LIN28B: variants seen among roughly 807,000 people sequenced by gnomAD.
LIN28B encodes lin-28 RNA binding posttranscriptional regulator B.
A neutral mutation model predicts 21.9 loss-of-function variants in LIN28B; 5 were observed. That is an observed-to-expected ratio of 0.23 (90% CI 0.12 to 0.48). LIN28B has a LOEUF of 0.48. Ranked by LOEUF, LIN28B falls within the 20% of genes least tolerant of loss-of-function variation. The pLI is 0.98. For missense variants in LIN28B, 245 were observed against 310.5 expected, an observed-to-expected ratio of 0.79 and a Z score of 1.58; for synonymous variants, 109 against 111.3, an observed-to-expected ratio of 0.98 and a Z score of 0.13.
rs1258252840 is a variant in LIN28B, at chr6:105,078,923, A to T, written c.*140A>T. On this transcript the variant is annotated 3_prime_UTR_variant, in exon 4 of 4. Coordinates refer to ENST00000345080, the MANE Select transcript of LIN28B (RefSeq NM_001004317.4). Reference sequence around the variant, plus strand: ...GGAACTGTGAATTTTTTAAACAGACAAATCACTCTAAGCAAATTACATTTG... The same window carrying T: ...GGAACTGTGAATTTTTTAAACAGACTAATCACTCTAAGCAAATTACATTTG... The T allele has an allele frequency of 6.6e-6, 6 of 906,920 alleles. No individual in the cohort carries two copies. Among genetic ancestry groups the T allele is most frequent in the Non-Finnish European group, 9.9e-6 (6 of 607,484 alleles). The allele number at this position is 906,920 out of a possible 1,614,324, so 56.2% of individuals were successfully genotyped here. A position where few individuals can be genotyped will look rare whatever the true frequency, so the allele number is the denominator to read the frequency against.
At chr6:104,975,204 A>C (rs892602286) in intron 2 of LIN28B, among the ~76,000 whole-genome samples, 1 of 152,130 alleles carries the variant, frequency 6.6e-6, no homozygotes, top group Non-Finnish European at 1.5e-5. Context: ...GTAATATAAA[A>C]ATTGATCATT....
chr6:104,955,048 A>C (rs576788669), upstream of LIN28B, among the ~76,000 whole-genome samples: 42 of 152,324 alleles, frequency 2.8e-4, no homozygotes, highest in South Asian at 1.7e-3. Context: ...ATACTTTCTG[A>C]GATTTTTTTC....
intron 2 of LIN28B, among the ~76,000 whole-genome samples, chr6:104,944,892 C>T (rs182791494): frequency 3.3e-5 from 5 of 152,024 alleles, no homozygotes; most frequent in Admixed American, 1.3e-4. Flanking sequence ...TTTTTCTTAG[C>T]GGAACAAAAG....
At chr6:105,048,656 T>A (rs553321912) in intron 3 of LIN28B, among the ~76,000 whole-genome samples, 15 of 152,326 alleles carry the variant, frequency 9.8e-5, no homozygotes, top group Non-Finnish European at 1.5e-4. Context: ...TGGACTTTTT[T>A]TGGTTGGTGG....
rs2114433976 is a variant in LIN28B, at chr6:105,082,499, TC to T, written c.*3717del. The T allele has an allele frequency of 6.5e-6, 1 of 152,798 alleles. No homozygotes were observed. The highest frequency in any genetic ancestry group is 2.1e-4 in the South Asian group (1 of 4,834). 9.5% of individuals were successfully genotyped at this position (152,798 alleles called of 1,614,324 possible). A position where few individuals can be genotyped will look rare whatever the true frequency, so the allele number is the denominator to read the frequency against. ...ATCTGTTTTCTCTAAGAAATGTTTA[TC>T]ATAAAATATATATGTGTATTTCCCC... On this transcript the variant is annotated 3_prime_UTR_variant, in exon 4 of 4. Coordinates refer to ENST00000345080, the MANE Select transcript of LIN28B (RefSeq NM_001004317.4).
At chr6:105,031,340 T>TGGCGA (rs1771418931) in intron 3 of LIN28B, among the ~76,000 whole-genome samples, 2 of 152,110 alleles carry the variant, frequency 1.3e-5, no homozygotes, top group Admixed American at 1.3e-4. Context: ...TATAAGATAC[T>TGGCGA]TTCATACTGA....
At chr6:105,010,790 T>C (rs768063837) in intron 2 of LIN28B, among the ~76,000 whole-genome samples, 3 of 152,206 alleles carry the variant, frequency 2.0e-5, no homozygotes, top group Admixed American at 1.3e-4. Flanking sequence ...TCTACCCTTT[T>C]GTAACTCAAA....
At chr6:104,944,369 A>C (rs781294203) in intron 2 of LIN28B, among the ~76,000 whole-genome samples, 1 of 152,142 alleles carries the variant, frequency 6.6e-6, no homozygotes, top group Non-Finnish European at 1.5e-5. Flanking sequence ...GTACAGTTTT[A>C]GTTGACACTA....
intron 3 of LIN28B, 124 bp from the exon 4 acceptor site, chr6:105,078,290 C>A: frequency 2.3e-6 from 2 of 878,486 alleles, no homozygotes; most frequent in Non-Finnish European, 1.7e-6. Flanking sequence ...ATGATAAATG[C>A]TTTTAAGAAG....
chr6:105,061,197 A>G (rs1772115694), intron 3 of LIN28B, among the ~76,000 whole-genome samples: 1 of 152,162 alleles, frequency 6.6e-6, no homozygotes, highest in South Asian at 2.1e-4. Flanking sequence ...TTACCCTGCA[A>G]TTTGATTTTT....
chr6:104,980,198 TA>T (rs1770190308), intron 2 of LIN28B, among the ~76,000 whole-genome samples: 1 of 152,222 alleles, frequency 6.6e-6, no homozygotes, highest in Admixed American at 6.5e-5. Flanking sequence ...ATAAAATGCA[TA>T]AAGTAATTAT....
chr6:105,039,354 G>C (rs1771586579), intron 3 of LIN28B, among the ~76,000 whole-genome samples: 1 of 152,132 alleles, frequency 6.6e-6, no homozygotes, highest in Non-Finnish European at 1.5e-5. Context: ...GTCTGTAAAT[G>C]AGAATTTTTA....
chr6:105,053,826 G>A (rs1025542578), intron 3 of LIN28B, among the ~76,000 whole-genome samples: 1 of 151,732 alleles, frequency 6.6e-6, no homozygotes, highest in South Asian at 2.1e-4. Flanking sequence ...TCAGCCTCCC[G>A]GGTTCAAGTA....
At chr6:105,067,630 C>A (rs765223760) in intron 3 of LIN28B, among the ~76,000 whole-genome samples, 1 of 151,766 alleles carries the variant, frequency 6.6e-6, no homozygotes, top group African/African-American at 2.4e-5. Flanking sequence ...TGTTGTTTAT[C>A]ATGTAAGAGA....
In LIN28B at chr6:104,949,464, T is replaced by G. The variant is rs564136001; in HGVS notation, c.19-997T>G. Reference sequence around the variant, plus strand: ...TTGTCATCCTTTGTAAAAAGAACCTTGGGTCAACATTCAGTAGAACCCTGC... The same window carrying G: ...TTGTCATCCTTTGTAAAAAGAACCTGGGGTCAACATTCAGTAGAACCCTGC... On this transcript the variant is annotated intron_variant, in intron 2 of 5. Coordinates refer to the LIN28B transcript ENST00000635857. 5.3e-5 allele frequency among the ~76,000 whole-genome samples: 8 copies of G among 152,324 alleles called. No individual in the cohort carries two copies. In the South Asian group the frequency reaches 1.7e-3, roughly 32 times the overall value.
chr6:104,976,785 G>C (rs1770104464), intron 2 of LIN28B, among the ~76,000 whole-genome samples: 1 of 152,188 alleles, frequency 6.6e-6, no homozygotes, highest in Admixed American at 6.5e-5. Flanking sequence ...TAGAGCATGG[G>C]GACTTGATGG....
At chr6:105,069,132 C>G (rs1265966700) in intron 3 of LIN28B, among the ~76,000 whole-genome samples, 1 of 152,056 alleles carries the variant, frequency 6.6e-6, no homozygotes, top group Non-Finnish European at 1.5e-5. Flanking sequence ...GCATGAGAAT[C>G]ATTTGAACCT....
Position 105,022,495 on chromosome 6 carries a change from T to C in LIN28B, c.199-3803T>C, listed in dbSNP as rs367898037. ...TATGTATGATCTAATGCTAACAGAC[T>C]GAGTAGGGAAACCCAGCAAGGTCTG... On this transcript the variant is annotated intron_variant, in intron 2 of 3. Coordinates refer to ENST00000345080, the MANE Select transcript of LIN28B (RefSeq NM_001004317.4). Among the ~76,000 whole-genome samples, 7 of 152,270 alleles carry C rather than the reference T, an allele frequency of 4.6e-5. No homozygotes were observed. In the East Asian group the frequency reaches 1.2e-3, roughly 25 times the overall value.
chr6:105,067,089 G>T (rs539284307), intron 3 of LIN28B, among the ~76,000 whole-genome samples: 175 of 152,266 alleles, frequency 1.1e-3, no homozygotes, highest in South Asian at 2.9e-3. Context: ...TAAGTTTTCG[G>T]CAAGGCTGCT....
Sources: gnomAD v4.1 joint callset for allele counts (sites outside exome capture counted in the v4.1 genomes callset) on GRCh38, gnomAD v4.1.1 for gene constraint, MANE v1.5 for transcripts, NCBI Gene and HGNC (gene_info 2026-07-23, HGNC 2026-07-21) for gene names.